The following PCDHGB1 variants were observed in gnomAD, a reference collection of about 807,000 sequenced individuals.
The protein encoded by PCDHGB1 is protocadherin gamma-B1.
PCDHGB1 carries 34 observed loss-of-function variants against 56.6 expected under a neutral mutation model. That is an observed-to-expected ratio of 0.60 (90% CI 0.46 to 0.80). The LOEUF (loss-of-function observed/expected upper bound fraction) is 0.80. Among genes scored for constraint, PCDHGB1 ranks in the 30% least tolerant of loss-of-function variants. PCDHGB1 has a pLI of 0.00. For synonymous variants in PCDHGB1, 561 were observed against 505.9 expected (o/e 1.11, Z -1.46); for missense variants, 1,278 against 1,204.6 (o/e 1.06, Z -0.90).
intron 1 of PCDHGB1, chr5:141,370,971 G>C: frequency 1.2e-6 from 2 of 1,614,016 alleles, no homozygotes; most frequent in Non-Finnish European, 1.7e-6. Flanking sequence ...TAGGTACCCA[G>C]AGCTAGTACT....
At chr5:141,394,915 C>T in intron 1 of PCDHGB1, 1 of 1,613,774 alleles carries the variant, frequency 6.2e-7, no homozygotes, top group Non-Finnish European at 8.5e-7. Flanking sequence ...GCTGCCATCT[C>T]CTGTGTCTTC....
chr5:141,501,701 G>A (rs747266621), intron 2 of PCDHGB1, among the ~76,000 whole-genome samples: 3 of 151,984 alleles, frequency 2.0e-5, no homozygotes, highest in East Asian at 1.9e-4. Flanking sequence ...GGGTGATTCC[G>A]AGGATAAAAA....
intron 1 of PCDHGB1, among the ~76,000 whole-genome samples, chr5:141,480,151 C>T (rs543997143): frequency 1.3e-5 from 2 of 152,162 alleles, no homozygotes; most frequent in African/African-American, 4.8e-5. Context: ...TTAGCCAGCT[C>T]CTAGCATTTT....
At chr5:141,451,673 G>A (rs912482749) in intron 1 of PCDHGB1, among the ~76,000 whole-genome samples, 4 of 152,164 alleles carry the variant, frequency 2.6e-5, no homozygotes, top group African/African-American at 7.2e-5. Context: ...CTTGAGCCCA[G>A]GAGTTCAAGA....
chr5:141,352,663 T>C lies in PCDHGB1; in HGVS notation c.2403T>C (p.Ser801=). 6.3e-7 allele frequency: 1 copy of C among 1,589,980 alleles called. No individual in the cohort carries two copies. Among genetic ancestry groups the C allele is most frequent in the Non-Finnish European group, 8.6e-7 (1 of 1,167,318 alleles). ...AAATCGCTTATGACCCTTCTTTGTC[T>C]TCGCACGTGAGTTTCTGCAAATCTA... The part of the protein sequence containing the change: ...DHKIAYDPSL[S]SHQAPPNTDW... The change falls in exon 1 of 4, where the codon TCT becomes TCC. Residue 801 remains serine (S), a synonymous_variant. Coordinates refer to ENST00000523390, the MANE Select transcript of PCDHGB1 (RefSeq NM_018922.3).
chr5:141,465,240 G>C (rs569146939), intron 1 of PCDHGB1, among the ~76,000 whole-genome samples: 22 of 152,168 alleles, frequency 1.4e-4, no homozygotes, highest in African/African-American at 5.3e-4. Flanking sequence ...TCAAGTTCAA[G>C]GCACTTTTGT....
At chr5:141,390,887 T>A (rs547559021) in intron 1 of PCDHGB1, 2,724 of 151,184 alleles carry the variant, frequency 0.018, 30 homozygotes, top group African/African-American at 0.021. Flanking sequence ...TGTGTGTGTG[T>A]GAGAGAGATC....
chr5:141,402,903 A>C, intron 1 of PCDHGB1: 1 of 1,525,170 alleles, frequency 6.6e-7, no homozygotes, highest in East Asian at 2.3e-5. Context: ...GAACCTGATG[A>C]AGCAGCGCGC....
At chr5:141,399,255 G>A (rs767281843) in intron 1 of PCDHGB1, 6 of 1,613,892 alleles carry the variant, frequency 3.7e-6, no homozygotes, top group Non-Finnish European at 5.1e-6. Context: ...GGGAAAATGG[G>A]GAGGTTAATT....
chr5:141,363,215 A>G (rs1203436108), intron 1 of PCDHGB1, among the ~76,000 whole-genome samples: 1 of 152,272 alleles, frequency 6.6e-6, no homozygotes, highest in Non-Finnish European at 1.5e-5. Context: ...ATTGAGAAAA[A>G]TCTTACAACC....
intron 1 of PCDHGB1, among the ~76,000 whole-genome samples, chr5:141,373,138 T>A (rs1047353742): frequency 6.6e-6 from 1 of 152,246 alleles, no homozygotes; most frequent in South Asian, 2.1e-4. Flanking sequence ...TCCTCACAAT[T>A]AAGTGGTTTA....
At chr5:141,446,767 G>A (rs891355909) in intron 1 of PCDHGB1, among the ~76,000 whole-genome samples, 12 of 152,118 alleles carry the variant, frequency 7.9e-5, no homozygotes, top group Non-Finnish European at 1.2e-4. Flanking sequence ...GCGCCCAGCC[G>A]GTTACCATTC....
In PCDHGB1 at chr5:141,351,511, A is replaced by C. The variant is rs371747733; in HGVS notation, c.1251A>C (p.Thr417=). 1 of 1,614,018 alleles carries C rather than the reference A, an allele frequency of 6.2e-7. No individual in the cohort carries two copies. Residue 417 remains threonine, a synonymous_variant, in exon 1 of 4, where the codon ACA becomes ACC. Transcript: ENST00000523390. ...NREQTADYNV[T]IIATDKGKPA... ...AGCAGACAGCAGACTACAACGTCAC[A>C]ATCATAGCCACCGACAAGGGCAAAC...
chr5:141,400,928 G>T (rs1365073405), intron 1 of PCDHGB1, among the ~76,000 whole-genome samples: 1 of 152,154 alleles, frequency 6.6e-6, no homozygotes, highest in African/African-American at 2.4e-5. Flanking sequence ...ACTGCTAGTA[G>T]ATGTCTTTCT....
At chr5:141,419,407 G>A (rs1426208057) in intron 1 of PCDHGB1, 20 of 1,613,396 alleles carry the variant, frequency 1.2e-5, no homozygotes, top group Non-Finnish European at 1.4e-5. Flanking sequence ...TGGTGTTCGC[G>A]CAGCGCGCCT....
Position 141,351,871 on chromosome 5 carries a change from G to C in PCDHGB1, c.1611G>C (p.Ala537=). ...AGGCCAGGGACCAGGGCTCCCCCGC[G>C]CTCAGCGCCAACGTGAGCCTGCGCG... is the stretch of plus-strand genomic sequence containing the variant. The part of the protein sequence containing the change: ...TLQARDQGSP[A]LSANVSLRVL... Residue 537 remains alanine, a synonymous_variant, in exon 1 of 4, where the codon GCG becomes GCC. Transcript: ENST00000523390. The C allele has an allele frequency of 1.9e-6, 3 of 1,613,256 alleles. No individual in the cohort carries two copies. Among genetic ancestry groups the C allele is most frequent in the Non-Finnish European group, 2.5e-6 (3 of 1,179,736 alleles).
At chr5:141,499,648 CAT>C (rs1434824310) in intron 2 of PCDHGB1, among the ~76,000 whole-genome samples, 2 of 148,784 alleles carry the variant, frequency 1.3e-5, no homozygotes, top group Admixed American at 6.7e-5. Flanking sequence ...TCTCAGACAT[CAT>C]ATAATTTCAT....
At chr5:141,365,407 C>G in intron 1 of PCDHGB1, 2 of 1,614,012 alleles carry the variant, frequency 1.2e-6, no homozygotes, top group South Asian at 1.1e-5. Flanking sequence ...TCTCTGAAGA[C>G]TGTCTTCCCG....
intron 1 of PCDHGB1, chr5:141,413,717 A>C: frequency 6.2e-7 from 1 of 1,613,382 alleles, no homozygotes; most frequent in Non-Finnish European, 8.5e-7. Flanking sequence ...CCCAATAAGC[A>C]CTTCTCCCTA....
Sources: allele counts gnomAD v4.1 joint callset (sites outside exome capture counted in the v4.1 genomes callset), GRCh38; gene constraint gnomAD v4.1.1; transcripts MANE v1.5; gene names NCBI Gene and HGNC (gene_info 2026-07-23, HGNC 2026-07-21).